CES5A: variants seen among roughly 807,000 people sequenced by gnomAD.
CES5A encodes carboxylesterase 5A, also known as carboxylesterase 5.
In CES5A, 67 loss-of-function variants were observed where a neutral mutation model predicts 62.9. That is an observed-to-expected ratio of 1.07 (90% CI 0.88 to 1.31). CES5A has a LOEUF of 1.31. Among genes scored for constraint, CES5A ranks in the 50% most tolerant of loss-of-function variants. CES5A has a pLI of 0.00. For synonymous variants in CES5A, 296 were observed against 280.8 expected, an observed-to-expected ratio of 1.05 and a Z score of -0.54; for missense variants, 748 against 708.5, an observed-to-expected ratio of 1.06 and a Z score of -0.63.
chr16:55,927,827 G>A (rs1198507245), upstream of CES5A, among the ~76,000 whole-genome samples: 1 of 152,158 alleles, frequency 6.6e-6, no homozygotes, highest in Non-Finnish European at 1.5e-5. Context: ...GCATTCATAT[G>A]TTTACCACAG....
chr16:55,917,841 C>T (rs2034163075), intron 1 of CES5A, among the ~76,000 whole-genome samples: 2 of 152,138 alleles, frequency 1.3e-5, no homozygotes, highest in African/African-American at 4.8e-5. Flanking sequence ...TGAAGTATGT[C>T]CACAACAGAA....
At chr16:55,949,383 T>C (rs1052915325) in intron 2 of CES5A, among the ~76,000 whole-genome samples, 1 of 152,152 alleles carries the variant, frequency 6.6e-6, no homozygotes, top group African/African-American at 2.4e-5. Flanking sequence ...AAACCATTCT[T>C]TTATCTGAGG....
At chr16:55,912,955 A>C (rs1359247401) in intron 1 of CES5A, among the ~76,000 whole-genome samples, 1 of 152,150 alleles carries the variant, frequency 6.6e-6, no homozygotes, top group African/African-American at 2.4e-5. Flanking sequence ...ATCACCCAGC[A>C]CCTTGTAACT....
At chr16:55,922,232 C>T (rs1020326804) in intron 1 of CES5A, among the ~76,000 whole-genome samples, 2 of 151,460 alleles carry the variant, frequency 1.3e-5, no homozygotes, top group African/African-American at 4.8e-5. Context: ...AACTCAATTC[C>T]CCAATTAAAA....
intron 1 of CES5A, chr16:55,955,837 T>C (rs1249359360): frequency 6.5e-7 from 1 of 1,536,006 alleles, no homozygotes. Context: ...CTGTGGCTAA[T>C]ACTCACCTTT....
At chr16:55,942,559 T>C (rs2034456677) in intron 2 of CES5A, among the ~76,000 whole-genome samples, 1 of 152,182 alleles carries the variant, frequency 6.6e-6, no homozygotes, top group Non-Finnish European at 1.5e-5. Flanking sequence ...CTATGAACCA[T>C]CTGGAACTCT....
upstream of CES5A, among the ~76,000 whole-genome samples, chr16:55,878,881 C>T (rs1162847818): frequency 6.7e-6 from 1 of 149,918 alleles, no homozygotes; most frequent in East Asian, 2.0e-4. Flanking sequence ...CACTGCACCC[C>T]CACCATTTAA....
intron 1 of CES5A, among the ~76,000 whole-genome samples, chr16:55,914,794 G>A (rs1272145533): frequency 6.6e-6 from 1 of 152,128 alleles, no homozygotes; most frequent in African/African-American, 2.4e-5. Flanking sequence ...AACAGAAAAA[G>A]GACACTAGTG....
chr16:55,931,573 C>T (rs1378619571), intron 2 of CES5A, among the ~76,000 whole-genome samples: 3 of 152,196 alleles, frequency 2.0e-5, no homozygotes, highest in African/African-American at 7.2e-5. Flanking sequence ...CTGGCCTTAA[C>T]CCTATTCTCA....
intron 1 of CES5A, among the ~76,000 whole-genome samples, chr16:55,907,874 G>T (rs1649107819): frequency 6.6e-6 from 1 of 152,134 alleles, no homozygotes; most frequent in African/African-American, 2.4e-5. Context: ...AATCTCCAGG[G>T]CTCCTGGGAA....
upstream of CES5A, among the ~76,000 whole-genome samples, chr16:55,878,596 C>G (rs1394991099): frequency 6.6e-6 from 1 of 150,654 alleles, no homozygotes; most frequent in African/African-American, 2.4e-5. Flanking sequence ...ACCACTACCC[C>G]CACCACTGCA....
At chr16:55,861,647 A>T (rs2033354105) in intron 6 of CES5A, 131 bp from the exon 7 acceptor site, 4 of 696,624 alleles carry the variant, frequency 5.7e-6, no homozygotes, top group African/African-American at 3.6e-5. Context: ...AACACTGCCT[A>T]GACCCACACC....
intron 9 of CES5A, among the ~76,000 whole-genome samples, chr16:55,854,853 A>G (rs1192819518): frequency 6.6e-6 from 1 of 152,036 alleles, no homozygotes; most frequent in Non-Finnish European, 1.5e-5. Flanking sequence ...TTTCTAAAAT[A>G]GAAATCAAAT....
At chr16:55,920,606 A>G (rs1030135376) in intron 1 of CES5A, among the ~76,000 whole-genome samples, 5 of 152,232 alleles carry the variant, frequency 3.3e-5, no homozygotes, top group Admixed American at 6.5e-5. Context: ...AAATGAGTCA[A>G]TTACCTAGTG....
chr16:55,875,328 G>A lies in CES5A; in HGVS notation c.-107C>T. ...CCTGTTAACAGGCAAATGCTGAATA[G>A]GCAGGCAGAGGCAGCAGAGTTACTG... On this transcript the variant is annotated 5_prime_UTR_variant, in exon 1 of 13. Coordinates refer to ENST00000290567, the MANE Select transcript of CES5A (RefSeq NM_001143685.2). The A allele has an allele frequency of 6.6e-7, 1 of 1,515,076 alleles. No individual in the cohort carries two copies. 93.9% of individuals were successfully genotyped at this position (1,515,076 alleles called of 1,614,324 possible).
At chr16:55,881,821 G>A (rs2033764911) in intron 1 of CES5A, among the ~76,000 whole-genome samples, 1 of 152,130 alleles carries the variant, frequency 6.6e-6, no homozygotes, top group Non-Finnish European at 1.5e-5. Flanking sequence ...CATAGAAATG[G>A]GATCCCTAGT....
At chr16:55,879,374 C>T (rs760819835), upstream of CES5A, among the ~76,000 whole-genome samples, 34 of 151,968 alleles carry the variant, frequency 2.2e-4, no homozygotes, top group Non-Finnish European at 2.9e-4. Flanking sequence ...CCCATTACTG[C>T]GCCCTACCAC....
At chr16:55,929,817 T>C (rs540018194), upstream of CES5A, among the ~76,000 whole-genome samples, 3 of 152,314 alleles carry the variant, frequency 2.0e-5, no homozygotes, top group East Asian at 5.8e-4. Flanking sequence ...TGCATTACTT[T>C]GAAATTTTTT....
At chr16:55,847,468 T>C (rs2142378889) in intron 11 of CES5A, among the ~76,000 whole-genome samples, 1 of 152,022 alleles carries the variant, frequency 6.6e-6, no homozygotes, top group East Asian at 1.9e-4. Flanking sequence ...AAGTAGAAAA[T>C]CCAAAATGCA....
Sources: gnomAD v4.1 joint callset for allele counts (sites outside exome capture counted in the v4.1 genomes callset) on GRCh38, gnomAD v4.1.1 for gene constraint, MANE v1.5 for transcripts, NCBI Gene and HGNC (gene_info 2026-07-23, HGNC 2026-07-21) for gene names.